The following HPCAL1 variants were observed in gnomAD, a reference collection of about 807,000 sequenced individuals.
HPCAL1 encodes hippocalcin-like protein 1.
HPCAL1 carries 8 observed loss-of-function variants against 17.1 expected under a neutral mutation model. That is an observed-to-expected ratio of 0.47 (90% CI 0.27 to 0.84). HPCAL1 has a LOEUF of 0.84. HPCAL1 is among the 40% of genes least tolerant of loss of function. The pLI is 0.13. For missense variants in HPCAL1, 165 were observed against 271.1 expected, an observed-to-expected ratio of 0.61 and a Z score of 2.75; for synonymous variants, 112 against 111.4, an observed-to-expected ratio of 1.01 and a Z score of -0.03.
chr2:10,336,333 T>G (rs1438407326), intron 1 of HPCAL1, among the ~76,000 whole-genome samples: 3 of 152,280 alleles, frequency 2.0e-5, no homozygotes, highest in African/African-American at 4.8e-5. Flanking sequence ...CTCTAGAGAC[T>G]AATCCTTTGT....
chr2:10,316,597 A>C (rs921551432), intron 1 of HPCAL1, among the ~76,000 whole-genome samples: 4 of 152,176 alleles, frequency 2.6e-5, no homozygotes, highest in African/African-American at 9.7e-5. Context: ...GTTTGAGTCC[A>C]GGATATTGAG....
rs374702080 is a variant in HPCAL1 at position 10,384,850 on chromosome 2, G to A, written c.-110-11985G>A. Among the ~76,000 whole-genome samples the A allele has an allele frequency of 2.0e-5, 3 of 152,242 alleles. No homozygotes were observed. The highest frequency in any genetic ancestry group is 3.4e-3 in the Middle Eastern group (1 of 294). On this transcript the variant is annotated intron_variant, in intron 1 of 4. Coordinates refer to ENST00000307845, the MANE Select transcript of HPCAL1 (RefSeq NM_002149.4). The surrounding 1 kb of genome is among the most constrained non-coding windows in gnomAD (Gnocchi z 4.4). ...AAGATAGAGGCGACAGGCTGGGTGC[G>A]GTGGCTCATGCCTGTAATCCCAACG...
At chr2:10,400,529 C>A (rs1004769471) in intron 2 of HPCAL1, among the ~76,000 whole-genome samples, 1 of 152,196 alleles carries the variant, frequency 6.6e-6, no homozygotes, top group Admixed American at 6.5e-5. Flanking sequence ...AGAGAGCCAT[C>A]TGAGCGGCCT....
chr2:10,352,707 C>G (rs77580403), intron 1 of HPCAL1, among the ~76,000 whole-genome samples: 185 of 152,272 alleles, frequency 1.2e-3, no homozygotes, highest in East Asian at 2.5e-3. Flanking sequence ...TCAGGCCCCC[C>G]CAGGGAGAGC....
rs1668192864 is a variant in HPCAL1, at chr2:10,384,636, G to A, written c.-110-12199G>A. On this transcript the variant is annotated intron_variant, in intron 1 of 4. Transcript: ENST00000307845. This position sits in a 1 kb window ranked among gnomAD's most constrained non-coding sequence, Gnocchi z 4.4. ...AAAGCCAGCAGCTGGGAGTTTCAGG[G>A]GCTTCCCTAGGGAGGGACCCTGAGC... 6.6e-6 allele frequency among the ~76,000 whole-genome samples: 1 copy of A among 152,084 alleles called. No homozygotes were observed. The highest frequency in any genetic ancestry group is 2.1e-4 in the South Asian group (1 of 4,828).
intron 1 of HPCAL1, among the ~76,000 whole-genome samples, chr2:10,340,000 G>A (rs1664977026): frequency 6.6e-6 from 1 of 152,220 alleles, no homozygotes; most frequent in African/African-American, 2.4e-5. Flanking sequence ...ATGACATTGG[G>A]ATGAGTTCTT....
At chr2:10,375,765 C>A (rs1034257188) in intron 1 of HPCAL1, among the ~76,000 whole-genome samples, 3 of 152,174 alleles carry the variant, frequency 2.0e-5, no homozygotes, top group African/African-American at 4.8e-5. Context: ...CCATGACAGC[C>A]CCTTATGCAT....
In HPCAL1 at chr2:10,363,791, G is replaced by A. The variant is rs935423672; in HGVS notation, c.-110-33044G>A. Among the ~76,000 whole-genome samples, 3 of 152,246 alleles carry A rather than the reference G, an allele frequency of 2.0e-5. No homozygotes were observed. Among genetic ancestry groups the A allele is most frequent in the Admixed American group, 6.5e-5 (1 of 15,284 alleles). On this transcript the variant is annotated intron_variant, in intron 1 of 4. Transcript: ENST00000307845. This position sits in a 1 kb window ranked among gnomAD's most constrained non-coding sequence, Gnocchi z 4.7. ...GATCTCCAGTCCTTGTGTGGGCTGC[G>A]TGACCTTGGATGAGTTATTTCCCAT...
intron 1 of HPCAL1, chr2:10,369,193 G>A (rs763033355): frequency 1.3e-5 from 2 of 152,248 alleles, no homozygotes; most frequent in Admixed American, 6.5e-5. Flanking sequence ...GATGTGGGGA[G>A]CAGAGGGCCA....
chr2:10,392,274 C>T (rs1242308090), intron 1 of HPCAL1, among the ~76,000 whole-genome samples: 1 of 151,992 alleles, frequency 6.6e-6, no homozygotes, highest in East Asian at 1.9e-4. Flanking sequence ...GTGCTGGGCT[C>T]AAGCGATCCT....
At chr2:10,405,862 T>TA (rs1384592660) in intron 2 of HPCAL1, among the ~76,000 whole-genome samples, 1 of 152,200 alleles carries the variant, frequency 6.6e-6, no homozygotes, top group Non-Finnish European at 1.5e-5. Context: ...TGTGCCCTCT[T>TA]ACATTTTCTC....
At chr2:10,379,368 CCCCATGGGTGTGG>C (rs1227165048) in intron 1 of HPCAL1, among the ~76,000 whole-genome samples, 1 of 151,318 alleles carries the variant, frequency 6.6e-6, no homozygotes, top group Non-Finnish European at 1.5e-5. Context: ...GTTTGTGACA[CCCCATGGGTGTGG>C]CCCATGGGGC....
intron 1 of HPCAL1, among the ~76,000 whole-genome samples, chr2:10,392,322 C>A (rs376846092): frequency 6.6e-6 from 1 of 152,178 alleles, no homozygotes; most frequent in African/African-American, 2.4e-5. Context: ...ATTACAGGTG[C>A]GAGCCACCAC....
At chr2:10,326,808 A>G (rs1321397083) in intron 1 of HPCAL1, among the ~76,000 whole-genome samples, 4 of 152,084 alleles carry the variant, frequency 2.6e-5, no homozygotes, top group Non-Finnish European at 4.4e-5. Flanking sequence ...TGTGCATTTG[A>G]AAGTTGGCTG....
At chr2:10,397,336 A>G (rs11676661) in intron 2 of HPCAL1, among the ~76,000 whole-genome samples, 81,418 of 151,898 alleles carry the variant, frequency 0.54, 22,202 homozygotes, top group South Asian at 0.66. Flanking sequence ...CAGCCCCTGT[A>G]CCTGGAAGCT....
chr2:10,303,656 G>GC (rs34171420), intron 1 of HPCAL1: 138,299 of 152,340 alleles, frequency 0.91, 62,844 homozygotes, highest in East Asian at 0.97. Context: ...AGGCTGGGCA[G>GC]CCCTCAGGGA....
chr2:10,335,678 A>G (rs1178999403), intron 1 of HPCAL1, among the ~76,000 whole-genome samples: 2 of 152,214 alleles, frequency 1.3e-5, no homozygotes, highest in Non-Finnish European at 2.9e-5. Context: ...TCTCACGCTC[A>G]ACAGTACTGT....
intron 1 of HPCAL1, among the ~76,000 whole-genome samples, chr2:10,385,077 G>A (rs538947117): frequency 1.3e-5 from 2 of 148,656 alleles, no homozygotes; most frequent in South Asian, 2.1e-4. Context: ...CCAGCCTGGC[G>A]ATAGAGCAAG....
chr2:10,346,499 G>C (rs1665460932), intron 1 of HPCAL1, among the ~76,000 whole-genome samples: 1 of 152,164 alleles, frequency 6.6e-6, no homozygotes, highest in South Asian at 2.1e-4. Flanking sequence ...AGGCAGTTCT[G>C]TCTTAAAGAG....
Sources: gnomAD v4.1 joint callset for allele counts (sites outside exome capture counted in the v4.1 genomes callset) on GRCh38, gnomAD v4.1.1 for gene constraint, Gnocchi (gnomAD v3.1) non-coding constraint, MANE v1.5 for transcripts, NCBI Gene and HGNC (gene_info 2026-07-23, HGNC 2026-07-21) for gene names.